GPC6: variants seen among roughly 807,000 people sequenced by gnomAD.
GPC6 encodes glypican 6.
In GPC6, 14 loss-of-function variants were observed where a neutral mutation model predicts 55.2. The observed-to-expected ratio is 0.25, with a 90% CI of 0.17 to 0.40. The LOEUF (loss-of-function observed/expected upper bound fraction) is 0.40, where lower values mean the gene tolerates loss of function less well. Ranked by LOEUF, GPC6 falls within the 10% of genes least tolerant of loss-of-function variation. The pLI, the probability that GPC6 is intolerant of heterozygous loss-of-function variation, is 1.00. For missense variants in GPC6, 641 were observed against 708.5 expected (o/e 0.90, Z 1.08); for synonymous variants, 278 against 259.6 (o/e 1.07, Z -0.68).
intron 5 of GPC6, among the ~76,000 whole-genome samples, chr13:94,304,672 T>C (rs938976889): frequency 3.3e-5 from 5 of 152,244 alleles, no homozygotes; most frequent in African/African-American, 9.6e-5. Flanking sequence ...TATCTCTCGA[T>C]AACCAGCACA....
intron 2 of GPC6, among the ~76,000 whole-genome samples, chr13:93,772,309 G>A (rs1885329012): frequency 6.6e-6 from 1 of 152,068 alleles, no homozygotes; most frequent in African/African-American, 2.4e-5. Context: ...CCCTCTGTCA[G>A]GAAGGGTCAT....
chr13:93,597,946 C>A (rs1229674061), intron 2 of GPC6, among the ~76,000 whole-genome samples: 1 of 151,906 alleles, frequency 6.6e-6, no homozygotes, highest in Non-Finnish European at 1.5e-5. Flanking sequence ...GAGATCGAGA[C>A]CATCCTGTCC....
intron 2 of GPC6, among the ~76,000 whole-genome samples, chr13:93,755,365 C>T (rs1454358193): frequency 6.6e-6 from 1 of 152,138 alleles, no homozygotes; most frequent in African/African-American, 2.4e-5. Context: ...AAATCCACCA[C>T]TTTTGCCTCC....
chr13:94,303,702 T>G (rs1875783179), intron 5 of GPC6, among the ~76,000 whole-genome samples: 1 of 141,694 alleles, frequency 7.1e-6, no homozygotes, highest in African/African-American at 2.6e-5. Flanking sequence ...AAACCTGACC[T>G]AAATAACAGA....
chr13:93,927,494 T>C (rs1334150602), intron 3 of GPC6, among the ~76,000 whole-genome samples: 1 of 152,100 alleles, frequency 6.6e-6, no homozygotes, highest in Non-Finnish European at 1.5e-5. Flanking sequence ...GACACGTTCC[T>C]ATAGTGGTTT....
At chr13:94,093,452 G>C (rs997725402) in intron 4 of GPC6, among the ~76,000 whole-genome samples, 1 of 151,924 alleles carries the variant, frequency 6.6e-6, no homozygotes, top group Admixed American at 6.6e-5. Flanking sequence ...ATTCTGTTCT[G>C]TTGGTTTACG....
intron 1 of GPC6, among the ~76,000 whole-genome samples, chr13:93,419,307 A>T (rs953125165): frequency 1.3e-5 from 2 of 151,850 alleles, no homozygotes; most frequent in Non-Finnish European, 2.9e-5. Context: ...CTTGTAAATA[A>T]CTTTGAGTGT....
chr13:94,329,070 A>G (rs1877279136), intron 6 of GPC6, among the ~76,000 whole-genome samples: 1 of 152,192 alleles, frequency 6.6e-6, no homozygotes, highest in African/African-American at 2.4e-5. Context: ...CTTCCCACTG[A>G]CACTGGAGTT....
At chr13:93,937,349 C>T (rs1030015576) in intron 3 of GPC6, among the ~76,000 whole-genome samples, 2 of 152,264 alleles carry the variant, frequency 1.3e-5, no homozygotes, top group East Asian at 1.9e-4. Context: ...CCTTTAAACA[C>T]GCACAGTCAG....
At chr13:93,273,524 G>T (rs1365010025) in intron 1 of GPC6, among the ~76,000 whole-genome samples, 1 of 152,044 alleles carries the variant, frequency 6.6e-6, no homozygotes, top group Non-Finnish European at 1.5e-5. Context: ...CGGGCGTGGT[G>T]GTGGGCGCCT....
At chr13:94,397,357 T>C (rs1022856561) in intron 7 of GPC6, among the ~76,000 whole-genome samples, 1 of 152,100 alleles carries the variant, frequency 6.6e-6, no homozygotes, top group Non-Finnish European at 1.5e-5. Context: ...CCTCCACTTA[T>C]ATAAATACCC....
At chr13:93,318,260 A>G (rs548843391) in intron 1 of GPC6, among the ~76,000 whole-genome samples, 3 of 152,182 alleles carry the variant, frequency 2.0e-5, no homozygotes, top group East Asian at 3.9e-4. Flanking sequence ...TAAATATGTG[A>G]CAGTTTTTTT....
chr13:94,006,185 G>A (rs1007950181), intron 3 of GPC6, among the ~76,000 whole-genome samples: 5 of 152,166 alleles, frequency 3.3e-5, no homozygotes, highest in African/African-American at 9.7e-5. Context: ...AAACAAAAAT[G>A]TATGTTTATT....
At chr13:93,668,198 T>C (rs962304510) in intron 2 of GPC6, among the ~76,000 whole-genome samples, 13 of 152,202 alleles carry the variant, frequency 8.5e-5, no homozygotes, top group Non-Finnish European at 1.6e-4. Flanking sequence ...TGTAAATCAT[T>C]TTTAAAGGGT....
intron 1 of GPC6, among the ~76,000 whole-genome samples, chr13:93,352,235 C>T (rs1005770224): frequency 7.9e-5 from 12 of 151,896 alleles, no homozygotes; most frequent in Admixed American, 3.3e-4. Flanking sequence ...TTATGGTATG[C>T]GAATTTCACT....
At position 93,905,543 on chromosome 13, in the gene GPC6, C is replaced by T. The variant is rs539554163; in HGVS notation, c.711+74998C>T. ...ATGGGTATGCTCTCAGGTCAAATGC[C>T]TTATTTGTTCAACTTGCATCTATCT... On this transcript the variant is annotated intron_variant, in intron 3 of 8. Coordinates refer to ENST00000377047, the MANE Select transcript of GPC6 (RefSeq NM_005708.5). Among the ~76,000 whole-genome samples the T allele has an allele frequency of 2.0e-5, 3 of 152,296 alleles. No homozygotes were observed. In the South Asian group the frequency reaches 6.2e-4, roughly 32 times the overall value.
chr13:93,225,424 G>A (rs978893208), upstream of GPC6, among the ~76,000 whole-genome samples: 1 of 152,098 alleles, frequency 6.6e-6, no homozygotes, highest in Non-Finnish European at 1.5e-5. Flanking sequence ...AAAAAACTGT[G>A]CTAAAATTTT....
At chr13:93,858,744 G>T (rs1888710330) in intron 3 of GPC6, among the ~76,000 whole-genome samples, 1 of 151,506 alleles carries the variant, frequency 6.6e-6, no homozygotes, top group African/African-American at 2.4e-5. Context: ...CTCATTGGTG[G>T]TATCGACTAG....
At position 93,536,206 on chromosome 13, in the gene GPC6, A is replaced by G. The variant is rs150603675; in HGVS notation, c.161-9057A>G. On this transcript the variant is annotated intron_variant, in intron 1 of 8. Transcript: ENST00000377047. ...CCTTTTGGGCCAAATTCACTTTTTC[A>G]ATTTTTTACTTTTTAAAAATTGGTA... Among the ~76,000 whole-genome samples, 748 of 152,176 alleles carry G rather than the reference A, an allele frequency of 4.9e-3. 5 individuals are homozygous for G. Among genetic ancestry groups the G allele is most frequent in the African/African-American group, 0.017 (710 of 41,522 alleles).
Sources: allele counts gnomAD v4.1 joint callset (sites outside exome capture counted in the v4.1 genomes callset), GRCh38; gene constraint gnomAD v4.1.1; transcripts MANE v1.5; gene names NCBI Gene and HGNC (gene_info 2026-07-23, HGNC 2026-07-21).